Variants in ZSWIM2 observed in about 807,000 individuals in gnomAD.
The protein encoded by ZSWIM2 is zinc finger SWIM-type containing 2, also known as E3 ubiquitin-protein ligase ZSWIM2.
Under a neutral mutation model 48.4 loss-of-function variants are expected in ZSWIM2, and 38 were observed. The ratio of observed to expected loss-of-function variants is 0.79; its 90% CI spans 0.61 to 1.03. The LOEUF (loss-of-function observed/expected upper bound fraction) is 1.03. Ranked by LOEUF, ZSWIM2 falls within the 50% of genes least tolerant of loss-of-function variation. The pLI, the probability that ZSWIM2 is intolerant of heterozygous loss-of-function variation, is 0.00. For missense variants in ZSWIM2, 776 were observed against 730.2 expected (o/e 1.06, Z -0.72); for synonymous variants, 240 against 251.3 (o/e 0.96, Z 0.42).
At chr2:186,838,130 T>C (rs1363351918) in intron 4 of ZSWIM2, among the ~76,000 whole-genome samples, 1 of 151,544 alleles carries the variant, frequency 6.6e-6, no homozygotes, top group East Asian at 1.9e-4. Context: ...AAAATTGCAA[T>C]GGAAAATGAC....
chr2:186,846,498 C>G (rs1156547852), intron 2 of ZSWIM2, among the ~76,000 whole-genome samples: 4 of 151,366 alleles, frequency 2.6e-5, no homozygotes, highest in African/African-American at 9.7e-5. Flanking sequence ...TCGATAAGGA[C>G]CTGGAGAAAG....
chr2:186,830,562 T>C (rs1691680449), intron 7 of ZSWIM2, among the ~76,000 whole-genome samples: 1 of 152,146 alleles, frequency 6.6e-6, no homozygotes, highest in Non-Finnish European at 1.5e-5. Flanking sequence ...CTCTGTCTTC[T>C]GGTAGGAAGT....
In ZSWIM2 at chr2:186,833,195, G is replaced by A; in HGVS notation, c.866C>T (p.Ala289Val). The change falls in exon 7 of 9, where the codon GCA (alanine) becomes GTA (valine). Residue 289 changes from alanine (A) to valine (V), a missense_variant. Physicochemically the swap from Ala to Val is moderately conservative, Grantham distance 64 (BLOSUM62 0). Transcript: ENST00000295131. ...ATCTATGTATTTTACAACTTCATCT[G>A]CTCTTTTTTCTAGTGATCTCCATTT... is the stretch of plus-strand genomic sequence containing the variant. ...NQKWRSLEKRADEVVKYIDTK... is the reference protein window; with the variant it reads ...NQKWRSLEKRVDEVVKYIDTK... 1.3e-6 allele frequency: 2 copies of A among 1,540,278 alleles called. No homozygotes were observed. Among genetic ancestry groups the A allele is most frequent in the South Asian group, 1.3e-5 (1 of 78,926 alleles).
intron 5 of ZSWIM2, among the ~76,000 whole-genome samples, chr2:186,835,726 G>A (rs73979373): frequency 0.23 from 34,688 of 152,096 alleles, 4,505 homozygotes; most frequent in South Asian, 0.3. Flanking sequence ...GTTCCTAAAG[G>A]AAATGGAAAT....
In ZSWIM2 at chr2:186,837,441, G is replaced by A. The variant is rs760479521; in HGVS notation, c.608C>T (p.Pro203Leu). 6.2e-7 allele frequency: 1 copy of A among 1,612,484 alleles called. No individual in the cohort carries two copies. Among genetic ancestry groups the A allele is most frequent in the African/African-American group, 1.3e-5 (1 of 74,850 alleles). Residue 203 changes from proline to leucine, a missense_variant, in exon 5 of 9, where the codon CCA becomes CTA. Coordinates refer to ENST00000295131, the MANE Select transcript of ZSWIM2 (RefSeq NM_182521.3). ...KCPLCRKEFA[P>L]LKLILEEFKN... ...GAATTCCTCCAAAATCAGTTTTAATGGTGCAAACTCTTTCCTGCACAGAGG... is the reference window on the plus strand; with the variant it reads ...GAATTCCTCCAAAATCAGTTTTAATAGTGCAAACTCTTTCCTGCACAGAGG...
At chr2:186,848,860 G>A (rs767179324) in intron 1 of ZSWIM2, 106 bp downstream of exon 1, 1 of 1,450,674 alleles carries the variant, frequency 6.9e-7, no homozygotes, top group Admixed American at 1.8e-5. Flanking sequence ...GAGGCAGCAA[G>A]TATCCGCAGA....
In ZSWIM2 at chr2:186,827,795, A is replaced by G. The variant is rs1676723215; in HGVS notation, c.*189T>C. On this transcript the variant is annotated 3_prime_UTR_variant, in exon 9 of 9. Transcript: ENST00000295131. Reference sequence around the variant, plus strand: ...ACATCCTGAATATATTCATGAAGACACCTAATGCTGTAAGTCATATAAGTA... The same window carrying G: ...ACATCCTGAATATATTCATGAAGACGCCTAATGCTGTAAGTCATATAAGTA... 9.6e-6 allele frequency: 4 copies of G among 415,218 alleles called. No individual in the cohort carries two copies. Among genetic ancestry groups the G allele is most frequent in the African/African-American group, 2.0e-5 (1 of 49,276 alleles). The allele number at this position is 415,218 out of a possible 1,614,324, so 25.7% of individuals were successfully genotyped here.
chr2:186,846,808 C>CATATATATATATATATAT (rs1264213432), intron 2 of ZSWIM2, among the ~76,000 whole-genome samples: 82 of 50,290 alleles, frequency 1.6e-3, no homozygotes, highest in Middle Eastern at 0.015. Context: ...CACACACACA[C>CATATATATATATATATAT]ACATATATAT....
intron 5 of ZSWIM2, 24 bp from the exon 6 acceptor site, chr2:186,834,054 A>C: frequency 3.9e-6 from 6 of 1,542,194 alleles, no homozygotes; most frequent in Non-Finnish European, 5.4e-6. Flanking sequence ...ACATCAAAAC[A>C]CGCAAGAAAA....
At chr2:186,844,389 C>A (rs779278486) in intron 3 of ZSWIM2, among the ~76,000 whole-genome samples, 2 of 151,562 alleles carry the variant, frequency 1.3e-5, no homozygotes, top group African/African-American at 4.8e-5. Context: ...ATTTTTCTCA[C>A]AATTAAAATA....
chr2:186,827,875 C>G lies in ZSWIM2; in HGVS notation c.*109G>C. ...CTGTTTATAGGTAAGTAGGCAAATT[C>G]CAACAGAGAATTTTATATACATTTG... On this transcript the variant is annotated 3_prime_UTR_variant, in exon 9 of 9. Transcript: ENST00000295131. 1.0e-6 allele frequency: 1 copy of G among 978,378 alleles called. No homozygotes were observed. 60.6% of individuals were successfully genotyped at this position (978,378 alleles called of 1,614,324 possible).
At chr2:186,833,021 TTAAA>T in intron 7 of ZSWIM2, 95 bp downstream of exon 7, 1 of 527,236 alleles carries the variant, frequency 1.9e-6, no homozygotes, top group South Asian at 3.6e-5. Context: ...TTAATAATAA[TTAAA>T]TAATAAATAA....
At chr2:186,843,613 T>G (rs900614767) in intron 3 of ZSWIM2, among the ~76,000 whole-genome samples, 1 of 151,420 alleles carries the variant, frequency 6.6e-6, no homozygotes, top group Non-Finnish European at 1.5e-5. Context: ...GTTTACAGCT[T>G]TGAAGAGAAA....
At chr2:186,828,902 G>T (rs1186233271) in intron 8 of ZSWIM2, 112 bp from the exon 9 acceptor site, 6 of 643,168 alleles carry the variant, frequency 9.3e-6, no homozygotes, top group Middle Eastern at 4.7e-4. Flanking sequence ...TAGCAAAATT[G>T]AAAAATAATT....
At chr2:186,829,399 T>C (rs1368852747) in intron 8 of ZSWIM2, among the ~76,000 whole-genome samples, 6 of 152,180 alleles carry the variant, frequency 3.9e-5, no homozygotes, top group Non-Finnish European at 8.8e-5. Context: ...TTAAGAATCA[T>C]AAAAATACAT....
chr2:186,829,715 T>C lies in ZSWIM2; in HGVS notation c.1095+12A>G. On this transcript the variant is annotated intron_variant, in intron 8 of 8. Coordinates refer to ENST00000295131, the MANE Select transcript of ZSWIM2 (RefSeq NM_182521.3). ...TACAGGGAAAGTAAAACTAAAATGA[T>C]GTGACTTTTACCTTGTGAGTACATG... The C allele has an allele frequency of 6.2e-7, 1 of 1,601,028 alleles. No individual in the cohort carries two copies. The highest frequency in any genetic ancestry group is 8.5e-7 in the Non-Finnish European group (1 of 1,175,990).
intron 2 of ZSWIM2, among the ~76,000 whole-genome samples, chr2:186,846,808 C>CTATATAT (rs1692011109): frequency 2.0e-5 from 1 of 50,236 alleles, no homozygotes. Context: ...CACACACACA[C>CTATATAT]ACATATATAT....
chr2:186,839,294 A>C lies in ZSWIM2; in HGVS notation c.284-125T>G, dbSNP rs1574140842. On this transcript the variant is annotated intron_variant, in intron 3 of 8. Transcript: ENST00000295131. ...GAGAGACAGTTTTGATTGAATTATC[A>C]CACTGACATTGACCCCTTCTTTACA... 1.8e-5 allele frequency: 14 copies of C among 779,540 alleles called. No homozygotes were observed. The East Asian group carries it at 3.8e-4, about 21-fold the overall frequency. 48.3% of individuals were successfully genotyped at this position (779,540 alleles called of 1,614,324 possible).
At chr2:186,837,683 A>T (rs1015321582) in intron 4 of ZSWIM2, 129 bp from the exon 5 acceptor site, 1 of 273,088 alleles carries the variant, frequency 3.7e-6, no homozygotes, top group Non-Finnish European at 5.8e-6. Flanking sequence ...TTATTCCACA[A>T]AAAAATAGAT....
Sources: allele counts gnomAD v4.1 joint callset (sites outside exome capture counted in the v4.1 genomes callset), GRCh38; gene constraint gnomAD v4.1.1; transcripts MANE v1.5; gene names NCBI Gene and HGNC (gene_info 2026-07-23, HGNC 2026-07-21).